The following TMEM132D variants were observed in gnomAD, a reference collection of about 807,000 sequenced individuals.
TMEM132D encodes transmembrane protein 132D.
In TMEM132D, 21 loss-of-function variants were observed where a neutral mutation model predicts 62.3. That is an observed-to-expected ratio of 0.34 (90% confidence interval 0.24 to 0.49). TMEM132D has a LOEUF of 0.49. TMEM132D is among the 20% of genes least tolerant of loss of function. The pLI, the probability that TMEM132D is intolerant of heterozygous loss-of-function variation, is 0.99. For missense variants in TMEM132D, 1,346 were observed against 1,402.8 expected, an observed-to-expected ratio of 0.96 and a Z score of 0.65; for synonymous variants, 621 against 575.6, an observed-to-expected ratio of 1.08 and a Z score of -1.13.
At chr12:129,192,680 TTATC>T (rs1187645691) in intron 5 of TMEM132D, among the ~76,000 whole-genome samples, 10 of 152,348 alleles carry the variant, frequency 6.6e-5, no homozygotes, top group African/African-American at 2.4e-4. Context: ...TGGGTACTAA[TTATC>T]TATCACTGCC....
At chr12:129,333,325 A>G (rs1042888955) in intron 4 of TMEM132D, among the ~76,000 whole-genome samples, 1 of 152,202 alleles carries the variant, frequency 6.6e-6, no homozygotes, top group African/African-American at 2.4e-5. Flanking sequence ...CTTTGATTTG[A>G]ATTTATTTCT....
chr12:129,881,185 G>A (rs192047016), intron 1 of TMEM132D, among the ~76,000 whole-genome samples: 2 of 151,970 alleles, frequency 1.3e-5, no homozygotes, highest in East Asian at 1.9e-4. Flanking sequence ...TGCAACTAAC[G>A]ACAGAACTTC....
chr12:129,266,571 A>C (rs1299245338), intron 4 of TMEM132D, among the ~76,000 whole-genome samples: 61 of 106,040 alleles, frequency 5.8e-4, no homozygotes, highest in Admixed American at 9.2e-4. Flanking sequence ...TTTCCTCTTC[A>C]TTTTCTCTTC....
At chr12:129,577,100 C>A (rs940629264) in intron 2 of TMEM132D, among the ~76,000 whole-genome samples, 8 of 151,710 alleles carry the variant, frequency 5.3e-5, no homozygotes. Context: ...ATGGTGTCAC[C>A]GAAGGTTTAC....
At chr12:129,309,244 G>A (rs1045785715) in intron 4 of TMEM132D, among the ~76,000 whole-genome samples, 3 of 152,056 alleles carry the variant, frequency 2.0e-5, no homozygotes, top group Non-Finnish European at 4.4e-5. Context: ...GGTTCTTTTT[G>A]TAAGTTTAGT....
At chr12:129,548,269 A>G (rs546443695) in intron 2 of TMEM132D, among the ~76,000 whole-genome samples, 74 of 152,234 alleles carry the variant, frequency 4.9e-4, no homozygotes, top group African/African-American at 1.7e-3. Context: ...TCGGTGCTGG[A>G]GGCAGTCCGC....
chr12:129,146,956 ATTGC>A (rs1189356167), intron 5 of TMEM132D, among the ~76,000 whole-genome samples: 2 of 152,140 alleles, frequency 1.3e-5, no homozygotes, highest in East Asian at 3.9e-4. Flanking sequence ...ACGCGTGGGC[ATTGC>A]AAAGATTCAA....
At chr12:129,747,074 G>T (rs1204627755) in intron 1 of TMEM132D, among the ~76,000 whole-genome samples, 3 of 124,166 alleles carry the variant, frequency 2.4e-5, no homozygotes, top group Non-Finnish European at 5.4e-5. Context: ...CAATCAGTTC[G>T]TGGAGCCCAG....
At position 129,719,165 on chromosome 12, in the gene TMEM132D, G is replaced by T. The variant is rs534173310; in HGVS notation, c.80-18467C>A. The stretch of plus-strand genomic sequence containing the variant: ...GTCCCAGCTACTTGGGGGGCTGAGT[G>T]GGAGAATCACTTGAGCCCAGGAGGT... On this transcript the variant is annotated intron_variant, in intron 1 of 8. Coordinates refer to ENST00000422113, the MANE Select transcript of TMEM132D (RefSeq NM_133448.3). Among the ~76,000 whole-genome samples the T allele has an allele frequency of 3.9e-5, 6 of 152,038 alleles. No individual in the cohort carries two copies. In the South Asian group the frequency reaches 1.0e-3, roughly 26 times the overall value.
chr12:129,371,401 TTA>T lies in TMEM132D; in HGVS notation c.1116-33586_1116-33585del, dbSNP rs1593354974. 6.6e-6 allele frequency among the ~76,000 whole-genome samples: 1 copy of T among 151,532 alleles called. No individual in the cohort carries two copies. The highest frequency in any genetic ancestry group is 1.9e-4 in the East Asian group (1 of 5,156). On this transcript the variant is annotated intron_variant, in intron 3 of 8. Coordinates refer to ENST00000422113, the MANE Select transcript of TMEM132D (RefSeq NM_133448.3). The surrounding 1 kb of genome is among the most constrained non-coding windows in gnomAD (Gnocchi z 4.3). The stretch of plus-strand genomic sequence containing the variant: ...TGATGATGAATGATGATGGTGGTGA[TTA>T]TGATGATGATGATGGTGATAATGGA...
chr12:129,267,684 T>C (rs1880732953), intron 4 of TMEM132D, among the ~76,000 whole-genome samples: 2 of 151,318 alleles, frequency 1.3e-5, no homozygotes, highest in South Asian at 4.2e-4. Context: ...AAAAGCTACT[T>C]TAAAGTTCAT....
intron 3 of TMEM132D, among the ~76,000 whole-genome samples, chr12:129,524,650 A>C (rs1047341949): frequency 2.6e-5 from 4 of 152,112 alleles, no homozygotes; most frequent in African/African-American, 7.2e-5. Context: ...ATATATTTCT[A>C]GAACTGTAAT....
At chr12:129,385,582 T>C (rs534124915) in intron 3 of TMEM132D, among the ~76,000 whole-genome samples, 16 of 152,316 alleles carry the variant, frequency 1.1e-4, no homozygotes, top group African/African-American at 3.8e-4. Flanking sequence ...GAGAATAAAA[T>C]TGGAATTTCC....
intron 3 of TMEM132D, among the ~76,000 whole-genome samples, chr12:129,464,465 C>T (rs1191984690): frequency 6.6e-6 from 1 of 152,146 alleles, no homozygotes; most frequent in African/African-American, 2.4e-5. Flanking sequence ...TGCAGAAGCT[C>T]TTGAGTTTTA....
intron 2 of TMEM132D, among the ~76,000 whole-genome samples, chr12:129,552,703 T>C (rs143099558): frequency 6.6e-6 from 1 of 152,300 alleles, no homozygotes; most frequent in Admixed American, 6.5e-5. Flanking sequence ...TCTGTTTACA[T>C]CCATTACCTA....
intron 1 of TMEM132D, among the ~76,000 whole-genome samples, chr12:129,870,296 G>C (rs1020760346): frequency 2.6e-5 from 4 of 152,140 alleles, no homozygotes; most frequent in African/African-American, 9.7e-5. Context: ...CTGGGTTTAT[G>C]CTAAGGAGGT....
At chr12:129,808,724 A>G (rs978570248) in intron 1 of TMEM132D, among the ~76,000 whole-genome samples, 12 of 152,214 alleles carry the variant, frequency 7.9e-5, no homozygotes, top group African/African-American at 2.7e-4. Flanking sequence ...CAGCTCTGAT[A>G]GGTCATAGGA....
chr12:129,240,712 T>C (rs1306123905), intron 4 of TMEM132D, among the ~76,000 whole-genome samples: 1 of 152,222 alleles, frequency 6.6e-6, no homozygotes, highest in Non-Finnish European at 1.5e-5. Flanking sequence ...CGCTGGAACG[T>C]GTTCATACTT....
intron 4 of TMEM132D, among the ~76,000 whole-genome samples, chr12:129,303,073 G>A (rs923299535): frequency 6.6e-6 from 1 of 152,146 alleles, no homozygotes; most frequent in African/African-American, 2.4e-5. Context: ...AGCAAGCATT[G>A]ATGGCTCCAT....
Sources: gnomAD v4.1 joint callset for allele counts (sites outside exome capture counted in the v4.1 genomes callset) on GRCh38, gnomAD v4.1.1 for gene constraint, Gnocchi (gnomAD v3.1) non-coding constraint, MANE v1.5 for transcripts, NCBI Gene and HGNC (gene_info 2026-07-23, HGNC 2026-07-21) for gene names.